The following GRIN1 variants were observed in gnomAD, a reference collection of about 807,000 sequenced individuals.
GRIN1 encodes the protein glutamate ionotropic receptor NMDA type subunit 1, also known as glutamate receptor ionotropic, NMDA 1.
A neutral mutation model predicts 103.0 loss-of-function variants in GRIN1; 38 were observed. The observed-to-expected ratio is 0.37, with a 90% CI of 0.28 to 0.48. The LOEUF (loss-of-function observed/expected upper bound fraction) is 0.48. Among genes scored for constraint, GRIN1 ranks in the 20% least tolerant of loss-of-function variants. GRIN1 has a pLI of 0.98. For missense variants in GRIN1, 577 were observed against 1,288.9 expected (o/e 0.45, Z 8.46); for synonymous variants, 544 against 532.7 (o/e 1.02, Z -0.29).
At chr9:137,152,667 T>G (rs1464198532) in intron 4 of GRIN1, among the ~76,000 whole-genome samples, 1 of 151,992 alleles carries the variant, frequency 6.6e-6, no homozygotes, top group Non-Finnish European at 1.5e-5. Context: ...AGGGCCAAGG[T>G]CACGTTTCCA....
intron 4 of GRIN1, among the ~76,000 whole-genome samples, chr9:137,151,656 A>G (rs1386567797): frequency 1.3e-5 from 2 of 152,268 alleles, no homozygotes; most frequent in Admixed American, 6.5e-5. Context: ...CCAGACTCTC[A>G]GAAGTTAATT....
intron 18 of GRIN1, chr9:137,164,953 C>T (rs976563103): frequency 3.2e-5 from 17 of 531,322 alleles, no homozygotes; most frequent in Non-Finnish European, 4.8e-5. Flanking sequence ...AAGAGCCAGC[C>T]GAGAGCCCCC....
chr9:137,145,652 C>G, intron 2 of GRIN1, 74 bp from the exon 3 acceptor site: 1 of 1,103,080 alleles, frequency 9.1e-7, no homozygotes. Context: ...GCGGGTGTTC[C>G]GGCAGTGGGA....
chr9:137,142,274 C>A (rs1368027675), intron 2 of GRIN1, 127 bp downstream of exon 2: 3 of 871,564 alleles, frequency 3.4e-6, no homozygotes, highest in African/African-American at 1.6e-5. Context: ...ACAGCTCCCC[C>A]ACATTCATGC....
At chr9:137,141,196 C>T (rs999567472) in intron 1 of GRIN1, among the ~76,000 whole-genome samples, 3 of 152,200 alleles carry the variant, frequency 2.0e-5, no homozygotes, top group Non-Finnish European at 2.9e-5. Context: ...ATGCAGTGCA[C>T]GCCCCCATTC....
chr9:137,162,143 G>T, intron 11 of GRIN1, 29 bp from the exon 12 acceptor site: 1 of 1,542,040 alleles, frequency 6.5e-7, no homozygotes. Flanking sequence ...GGAGGGCCCG[G>T]GCCGCGCTGA....
At chr9:137,157,142 T>C (rs1833278463) in intron 6 of GRIN1, 105 bp downstream of exon 6, 2 of 1,011,622 alleles carry the variant, frequency 2.0e-6, no homozygotes, top group Admixed American at 2.3e-5. Context: ...GCGGGGCCAC[T>C]CTCCAGAGCT....
chr9:137,140,796 C>A (rs1832126597), intron 1 of GRIN1, among the ~76,000 whole-genome samples: 1 of 152,250 alleles, frequency 6.6e-6, no homozygotes, highest in Non-Finnish European at 1.5e-5. Context: ...CTTTGCCAAG[C>A]ACCTCTGGGT....
rs1032340087 is a variant in GRIN1 at position 137,167,135 on chromosome 9, C to T, written c.2701-276C>T. On this transcript the variant is annotated intron_variant, in intron 19 of 19. Coordinates refer to ENST00000371561, the MANE Select transcript of GRIN1 (RefSeq NM_007327.4). The stretch of plus-strand genomic sequence containing the variant: ...ATCACGTGGCATCTGGGGCTGGCCC[C>T]GCCCTGCAAGGCTGAACTGTGGGGG... 9.2e-5 allele frequency among the ~76,000 whole-genome samples: 14 copies of T among 152,082 alleles called. 1 individual carries two copies. Among genetic ancestry groups the T allele is most frequent in the Admixed American group, 7.9e-4 (12 of 15,270 alleles).
intron 4 of GRIN1, among the ~76,000 whole-genome samples, chr9:137,155,733 C>T (rs1833182066): frequency 6.6e-6 from 1 of 152,210 alleles, no homozygotes; most frequent in Non-Finnish European, 1.5e-5. Context: ...TTGTCATAAC[C>T]AGAGAGGCCC....
At position 137,167,428 on chromosome 9, in the gene GRIN1, C is replaced by T. The variant is rs201714768; in HGVS notation, c.2718C>T (p.Arg906=). The T allele has an allele frequency of 1.3e-6, 2 of 1,559,206 alleles. No homozygotes were observed. The highest frequency in any genetic ancestry group is 1.9e-5 in the Admixed American group (1 of 52,476). Residue 906 remains arginine, a synonymous_variant, in exon 20 of 20, where the codon CGC becomes CGT. Transcript: ENST00000371561. ...ATTTATAGAGCACCGGGGGTGGACG[C>T]GGCGCTTTGCAAAACCAAAAAGACA... ...SSKDTSTGGG[R]GALQNQKDTV... is the part of the protein sequence containing the mutation.
intron 4 of GRIN1, among the ~76,000 whole-genome samples, chr9:137,151,707 C>T (rs1832925893): frequency 6.6e-6 from 1 of 152,192 alleles, no homozygotes; most frequent in South Asian, 2.1e-4. Flanking sequence ...GCTTTGTCAC[C>T]CAGGCTGGAG....
In GRIN1 at chr9:137,144,487, C is replaced by T. The variant is rs563852041; in HGVS notation, c.394-1239C>T. Reference sequence around the variant, plus strand: ...GGCTAATACGGTGAAACCCCATCTCCACTAAAAATACAAAAAAATTAGCCG... The same window carrying T: ...GGCTAATACGGTGAAACCCCATCTCTACTAAAAATACAAAAAAATTAGCCG... On this transcript the variant is annotated intron_variant, in intron 2 of 19. Transcript: ENST00000371561. 6.0e-3 allele frequency among the ~76,000 whole-genome samples: 910 copies of T among 151,822 alleles called. 4 individuals carry two copies. The highest frequency in any genetic ancestry group is 0.016 in the African/African-American group (658 of 41,428).
rs201343933 is a variant in GRIN1 at position 137,156,702 on chromosome 9, C to G, written c.705C>G (p.Ala235=). The part of the protein sequence containing the change: ...EDDAATVYRA[A]AMLNMTGSGY... ...ATGCTGCCACTGTATACCGCGCAGC[C>G]GCGATGCTGAACATGACGGGCTCCG... Residue 235 remains alanine, a synonymous_variant, in exon 5 of 20, where the codon GCC becomes GCG. Coordinates refer to ENST00000371561, the MANE Select transcript of GRIN1 (RefSeq NM_007327.4). 6.3e-7 allele frequency: 1 copy of G among 1,596,494 alleles called. No individual in the cohort carries two copies. The highest frequency in any genetic ancestry group is 1.3e-5 in the African/African-American group (1 of 74,588).
At position 137,145,853 on chromosome 9, in the gene GRIN1, G is replaced by A. The variant is rs758521939; in HGVS notation, c.521G>A (p.Arg174Gln). 8.7e-6 allele frequency: 14 copies of A among 1,610,410 alleles called. No individual in the cohort carries two copies. Among genetic ancestry groups the A allele is most frequent in the South Asian group, 1.1e-5 (1 of 90,400 alleles). ...ILLVSDDHEG[R>Q]AAQKRLETLL... Reference sequence around the variant, plus strand: ...CTGGTCAGCGACGACCACGAGGGCCGGGCGGCTCAGAAACGCCTGGAGACG... The same window carrying A: ...CTGGTCAGCGACGACCACGAGGGCCAGGCGGCTCAGAAACGCCTGGAGACG... The change falls in exon 3 of 20, where the codon CGG becomes CAG. Residue 174 changes from arginine to glutamine, a missense_variant. Coordinates refer to ENST00000371561, the MANE Select transcript of GRIN1 (RefSeq NM_007327.4).
At chr9:137,142,620 G>A (rs753621802) in intron 2 of GRIN1, among the ~76,000 whole-genome samples, 5 of 152,326 alleles carry the variant, frequency 3.3e-5, no homozygotes, top group South Asian at 2.1e-4. Flanking sequence ...CCCTCAGGAC[G>A]AGAGGGCCCG....
intron 3 of GRIN1, among the ~76,000 whole-genome samples, chr9:137,148,584 A>G (rs1175305775): frequency 6.6e-6 from 1 of 152,216 alleles, no homozygotes; most frequent in Admixed American, 6.5e-5. Context: ...CTGCGGAATC[A>G]AACCTCAGAG....
chr9:137,143,990 C>A (rs918432317), intron 2 of GRIN1, among the ~76,000 whole-genome samples: 2 of 152,220 alleles, frequency 1.3e-5, no homozygotes, highest in Non-Finnish European at 2.9e-5. Flanking sequence ...CACGCTCTCG[C>A]CTGGGGAGAT....
At chr9:137,152,050 G>A (rs903569918) in intron 4 of GRIN1, among the ~76,000 whole-genome samples, 1 of 152,084 alleles carries the variant, frequency 6.6e-6, no homozygotes, top group East Asian at 1.9e-4. Flanking sequence ...GGGACTACAG[G>A]CCCCTGCCAC....
Sources: allele counts gnomAD v4.1 joint callset (sites outside exome capture counted in the v4.1 genomes callset), GRCh38; gene constraint gnomAD v4.1.1; transcripts MANE v1.5; gene names NCBI Gene and HGNC (gene_info 2026-07-23, HGNC 2026-07-21).